The following SMARCC1 variants were observed in gnomAD, a reference collection of about 807,000 sequenced individuals.
The protein encoded by SMARCC1 is SWI/SNF related BAF chromatin remodeling complex subunit C1.
A neutral mutation model predicts 147.4 loss-of-function variants in SMARCC1; 43 were observed. The ratio of observed to expected loss-of-function variants is 0.29; its 90% CI spans 0.23 to 0.38. The LOEUF (loss-of-function observed/expected upper bound fraction) is 0.38. Among genes scored for constraint, SMARCC1 ranks in the 10% least tolerant of loss-of-function variants. The pLI is 1.00. For synonymous variants in SMARCC1, 495 were observed against 484.4 expected (o/e 1.02, Z -0.29); for missense variants, 1,119 against 1,381.1 (o/e 0.81, Z 3.01).
intron 2 of SMARCC1, among the ~76,000 whole-genome samples, chr3:47,757,292 C>T (rs1559664526): frequency 6.6e-6 from 1 of 151,880 alleles, no homozygotes; most frequent in Non-Finnish European, 1.5e-5. Flanking sequence ...GACCAATGTG[C>T]AAATTTTTAA....
At chr3:47,733,319 T>G (rs1247310847) in intron 5 of SMARCC1, among the ~76,000 whole-genome samples, 1 of 152,142 alleles carries the variant, frequency 6.6e-6, no homozygotes, top group Non-Finnish European at 1.5e-5. Flanking sequence ...GGCTCACGCC[T>G]GCAATCCCAG....
At chr3:47,633,112 A>G (rs1396176721) in intron 24 of SMARCC1, among the ~76,000 whole-genome samples, 1 of 152,214 alleles carries the variant, frequency 6.6e-6, no homozygotes, top group Non-Finnish European at 1.5e-5. Flanking sequence ...CTTGTGACAT[A>G]GGTGGGCCCA....
intron 21 of SMARCC1, among the ~76,000 whole-genome samples, chr3:47,655,043 A>T (rs560850197): frequency 5.3e-5 from 8 of 152,230 alleles, no homozygotes; most frequent in African/African-American, 1.9e-4. Flanking sequence ...TAATTCAAAC[A>T]AAGTAGAGAG....
At chr3:47,746,168 G>T (rs1406572058) in intron 2 of SMARCC1, among the ~76,000 whole-genome samples, 175 bp from the exon 3 acceptor site, 1 of 152,172 alleles carries the variant, frequency 6.6e-6, no homozygotes, top group Non-Finnish European at 1.5e-5. Context: ...AGTAGATTAG[G>T]CTGGGCATGG....
chr3:47,746,278 G>A (rs754287012), intron 2 of SMARCC1: 35 of 235,826 alleles, frequency 1.5e-4, no homozygotes, highest in Non-Finnish European at 2.6e-4. Flanking sequence ...GGGAGATCCA[G>A]TCTCTAGAAA....
chr3:47,681,965 G>A (rs1436943875), intron 14 of SMARCC1, among the ~76,000 whole-genome samples: 1 of 152,018 alleles, frequency 6.6e-6, no homozygotes, highest in African/African-American at 2.4e-5. Flanking sequence ...AGATGATCAG[G>A]CAAATGAAAA....
At chr3:47,774,019 A>AT (rs913066057) in intron 1 of SMARCC1, among the ~76,000 whole-genome samples, 8 of 150,386 alleles carry the variant, frequency 5.3e-5, no homozygotes, top group East Asian at 3.9e-4. Flanking sequence ...TTATTTTTTT[A>AT]TTTTTTTTTG....
intron 25 of SMARCC1, among the ~76,000 whole-genome samples, chr3:47,616,618 G>A (rs1320292918): frequency 6.6e-6 from 1 of 151,838 alleles, no homozygotes; most frequent in Middle Eastern, 3.2e-3. Context: ...GCTAATTTTT[G>A]TATTTTTAGT....
intron 26 of SMARCC1, among the ~76,000 whole-genome samples, chr3:47,606,680 T>C (rs2032481590): frequency 2.6e-5 from 4 of 152,134 alleles, no homozygotes; most frequent in Admixed American, 2.0e-4. Flanking sequence ...TCCCAGTATT[T>C]CAGAAACTGA....
Position 47,676,798 on chromosome 3 carries a change from C to G in SMARCC1, c.1572-16G>C. The stretch of plus-strand genomic sequence containing the variant: ...GGCATGGACCCTAAAGAATAAAGCT[C>G]GGAAAGTTAAAATCTAAAGAATCAA... On this transcript the variant is annotated splice_polypyrimidine_tract_variant and intron_variant, in intron 16 of 27. Coordinates refer to ENST00000254480, the MANE Select transcript of SMARCC1 (RefSeq NM_003074.4). 1.9e-6 allele frequency: 3 copies of G among 1,609,250 alleles called. No individual in the cohort carries two copies. The highest frequency in any genetic ancestry group is 2.2e-5 in the South Asian group (2 of 90,752).
At position 47,710,883 on chromosome 3, in the gene SMARCC1, A is replaced by G. The variant is rs2034076519; in HGVS notation, c.793-75T>C. 15 of 1,244,524 alleles carry G rather than the reference A, an allele frequency of 1.2e-5. 1 individual carries two copies. The highest frequency in any genetic ancestry group is 1.6e-5 in the Non-Finnish European group (14 of 902,192). 77.1% of individuals were successfully genotyped at this position (1,244,524 alleles called of 1,614,324 possible). On this transcript the variant is annotated intron_variant, in intron 8 of 27. Transcript: ENST00000254480. ...AAGGTTTTACAGTATTGAGAAGGAA[A>G]CAAGCTGATTTATTTTCAAAGCCTC... is the stretch of plus-strand genomic sequence containing the variant.
At chr3:47,707,251 G>A (rs1203234693) in intron 9 of SMARCC1, among the ~76,000 whole-genome samples, 1 of 151,544 alleles carries the variant, frequency 6.6e-6, no homozygotes, top group Non-Finnish European at 1.5e-5. Context: ...GGCAAAGGTT[G>A]CACTGAATCA....
At position 47,638,790 on chromosome 3, in the gene SMARCC1, A is replaced by G; in HGVS notation, c.2321-10T>C. ...TCCTCTTCAGCTCCTTCTACAAGTA[A>G]AAGAATAAGAACAAGTACTCCAATG... On this transcript the variant is annotated splice_polypyrimidine_tract_variant and intron_variant, in intron 21 of 27. Coordinates refer to ENST00000254480, the MANE Select transcript of SMARCC1 (RefSeq NM_003074.4). The G allele has an allele frequency of 6.2e-7, 1 of 1,600,328 alleles. No homozygotes were observed. The highest frequency in any genetic ancestry group is 8.6e-7 in the Non-Finnish European group (1 of 1,167,340).
chr3:47,765,536 G>A (rs2034829160), intron 2 of SMARCC1, among the ~76,000 whole-genome samples: 1 of 151,496 alleles, frequency 6.6e-6, no homozygotes, highest in Non-Finnish European at 1.5e-5. Context: ...TTAAACAGGT[G>A]CTCATATTCC....
At position 47,736,134 on chromosome 3, in the gene SMARCC1, T is replaced by C. The variant is rs2034440607; in HGVS notation, c.484-8A>G. 6.7e-7 allele frequency: 1 copy of C among 1,483,600 alleles called. No homozygotes were observed. Among genetic ancestry groups the C allele is most frequent in the Admixed American group, 1.9e-5 (1 of 52,956 alleles). 91.9% of individuals were successfully genotyped at this position (1,483,600 alleles called of 1,614,324 possible). ...TCTGGTCAAACAATTGTTCTGAGGA[T>C]GAAAAGAACAGACTTTCAAATTCTC... On this transcript the variant is annotated splice_region_variant and splice_polypyrimidine_tract_variant and intron_variant, in intron 4 of 27. Transcript: ENST00000254480.
At chr3:47,588,707 C>T (rs2032121175) in intron 27 of SMARCC1, among the ~76,000 whole-genome samples, 1 of 102,848 alleles carries the variant, frequency 9.7e-6, no homozygotes, top group Non-Finnish European at 1.8e-5. Flanking sequence ...CTTCCCGCCC[C>T]CCCCCCGCCC....
At chr3:47,646,641 T>G (rs1374385852) in intron 21 of SMARCC1, among the ~76,000 whole-genome samples, 1 of 152,234 alleles carries the variant, frequency 6.6e-6, no homozygotes, top group Non-Finnish European at 1.5e-5. Context: ...AATATAAGTG[T>G]GTAATAATCA....
intron 2 of SMARCC1, among the ~76,000 whole-genome samples, chr3:47,749,300 T>A (rs1432994909): frequency 6.6e-6 from 1 of 151,916 alleles, no homozygotes; most frequent in Non-Finnish European, 1.5e-5. Flanking sequence ...AAACAACAAA[T>A]AAAAATCATT....
At chr3:47,672,351 G>A (rs964971024) in intron 18 of SMARCC1, among the ~76,000 whole-genome samples, 6 of 151,970 alleles carry the variant, frequency 3.9e-5, no homozygotes, top group African/African-American at 1.5e-4. Context: ...GACTACAGGC[G>A]CCCGCCAACA....
Sources: allele counts gnomAD v4.1 joint callset (sites outside exome capture counted in the v4.1 genomes callset), GRCh38; gene constraint gnomAD v4.1.1; transcripts MANE v1.5; gene names NCBI Gene and HGNC (gene_info 2026-07-23, HGNC 2026-07-21).